TRIO: variants seen among roughly 807,000 people sequenced by gnomAD.
TRIO encodes the protein triple functional domain protein.
A neutral mutation model predicts 351.9 loss-of-function variants in TRIO; 58 were observed. The observed-to-expected ratio is 0.16, with a 90% CI of 0.13 to 0.21. The LOEUF is 0.21. TRIO is among the 10% of genes least tolerant of loss of function. The pLI, the probability that TRIO is intolerant of heterozygous loss-of-function variation, is 1.00. For synonymous variants in TRIO, 1,758 were observed against 1,595.7 expected, an observed-to-expected ratio of 1.10 and a Z score of -2.42; for missense variants, 3,201 against 4,027.8, an observed-to-expected ratio of 0.79 and a Z score of 5.56.
intron 1 of TRIO, among the ~76,000 whole-genome samples, chr5:14,233,340 A>T (rs1432090127): frequency 1.4e-5 from 2 of 138,664 alleles, no homozygotes; most frequent in Non-Finnish European, 3.2e-5. Flanking sequence ...AAAAAAAAAA[A>T]TTAGCCCGGT....
chr5:14,396,265 T>C (rs1469093016), intron 28 of TRIO, among the ~76,000 whole-genome samples: 2 of 151,818 alleles, frequency 1.3e-5, no homozygotes, highest in African/African-American at 4.8e-5. Context: ...CATGCGGTGT[T>C]ACTGTTTCTG....
At position 14,487,961 on chromosome 5, in the gene TRIO, C is replaced by A; in HGVS notation, c.7333C>A (p.Pro2445Thr). 1 of 1,550,738 alleles carries A rather than the reference C, an allele frequency of 6.4e-7. No individual in the cohort carries two copies. The highest frequency in any genetic ancestry group is 1.2e-5 in the South Asian group (1 of 84,210). ...CGCGCGCGCTAGCCTGGGCACCCTG[C>A]CGCTTGGGAAGCCCCGGGCCGGGGC... ...KDARASLGTLPLGKPRAGAAS... is the reference protein window; with the variant it reads ...KDARASLGTLTLGKPRAGAAS... Residue 2445 changes from proline (P) to threonine (T), a missense_variant, in exon 48 of 57, where the codon CCG becomes ACG. Pro to Thr is a conservative substitution (Grantham distance 38). Around this residue, in one of 19 missense-constraint regions of TRIO, gnomAD observed 1,089 missense variants for 954.9 expected, o/e 1.14. Coordinates refer to ENST00000344204, the MANE Select transcript of TRIO (RefSeq NM_007118.4).
chr5:14,394,272 G>T (rs1747370402), intron 28 of TRIO, 142 bp downstream of exon 28: 1 of 567,786 alleles, frequency 1.8e-6, no homozygotes, highest in South Asian at 2.8e-5. Flanking sequence ...AGTATTTATT[G>T]ACCTGCCTAA....
chr5:14,236,438 G>A (rs892805760), intron 1 of TRIO, among the ~76,000 whole-genome samples: 3 of 152,058 alleles, frequency 2.0e-5, no homozygotes, highest in Non-Finnish European at 4.4e-5. Context: ...TAACTCTTGG[G>A]TTCAGAAATG....
intron 31 of TRIO, among the ~76,000 whole-genome samples, chr5:14,403,183 T>TGTGGTGAGGGTGCAGGTG (rs1748268906): frequency 1.6e-5 from 1 of 63,412 alleles, no homozygotes. Flanking sequence ...GGGTGCAGGT[T>TGTGGTGAGGGTGCAGGTG]GTGGTGAGGG....
intron 53 of TRIO, among the ~76,000 whole-genome samples, chr5:14,499,804 C>G (rs991116347): frequency 2.6e-5 from 4 of 151,766 alleles, no homozygotes; most frequent in Admixed American, 1.3e-4. Context: ...GTAATCCCAG[C>G]GCTTTGGGAG....
chr5:14,288,640 C>T (rs1469390368), intron 4 of TRIO, among the ~76,000 whole-genome samples: 1 of 150,520 alleles, frequency 6.6e-6, no homozygotes, highest in African/African-American at 2.5e-5. Context: ...GCACTCCAGC[C>T]TGGGCAACAG....
At chr5:14,331,921 T>G (rs993931388) in intron 10 of TRIO, among the ~76,000 whole-genome samples, 1 of 152,106 alleles carries the variant, frequency 6.6e-6, no homozygotes, top group Non-Finnish European at 1.5e-5. Flanking sequence ...AAAAAAGAAA[T>G]AAAAAATACT....
intron 41 of TRIO, among the ~76,000 whole-genome samples, chr5:14,478,359 C>G (rs1755248909): frequency 6.6e-6 from 1 of 152,176 alleles, no homozygotes; most frequent in Admixed American, 6.5e-5. Flanking sequence ...TTTCACCCAC[C>G]ATTGGTTTTG....
Position 14,461,325 on chromosome 5 carries a change from C to A in TRIO, c.5496+14C>A, listed in dbSNP as rs7725055. ...ACGGTCGAGGAGGTGAGGCTCTGCCCGCTGGTTGGGGCCGGCGTGGCGGGG... is the reference window on the plus strand; with the variant it reads ...ACGGTCGAGGAGGTGAGGCTCTGCCAGCTGGTTGGGGCCGGCGTGGCGGGG... On this transcript the variant is annotated intron_variant, in intron 35 of 56. Transcript: ENST00000344204. 2.8e-3 allele frequency: 4,282 copies of A among 1,539,396 alleles called. 94 individuals are homozygous for A. The African/African-American group carries it at 0.052, about 19-fold the overall frequency.
chr5:14,164,637 G>C (rs1788660439), intron 1 of TRIO, among the ~76,000 whole-genome samples: 3 of 152,294 alleles, frequency 2.0e-5, no homozygotes, highest in South Asian at 2.1e-4. Context: ...TGGATTTAAA[G>C]AGTAAGTAGT....
At chr5:14,388,339 C>T (rs1292680366) in intron 23 of TRIO, among the ~76,000 whole-genome samples, 1 of 152,196 alleles carries the variant, frequency 6.6e-6, no homozygotes, top group East Asian at 1.9e-4. Flanking sequence ...GTGCAGAGGG[C>T]AGCCCCACAG....
At chr5:14,404,003 G>T (rs1309091291) in intron 31 of TRIO, among the ~76,000 whole-genome samples, 3 of 139,296 alleles carry the variant, frequency 2.2e-5, no homozygotes, top group African/African-American at 9.2e-5. Flanking sequence ...TGTGGTGAGG[G>T]TGTAGGTTGT....
chr5:14,483,724 A>G (rs1755701764), intron 46 of TRIO, among the ~76,000 whole-genome samples: 1 of 152,074 alleles, frequency 6.6e-6, no homozygotes, highest in Non-Finnish European at 1.5e-5. Flanking sequence ...CCTCTGCATG[A>G]GGCTGGGCTG....
intron 1 of TRIO, among the ~76,000 whole-genome samples, chr5:14,147,157 GA>G (rs763339821): frequency 6.7e-6 from 1 of 150,258 alleles, no homozygotes; most frequent in Non-Finnish European, 1.5e-5. Context: ...AGAGCAAAAA[GA>G]AAAAAAAAGA....
intron 1 of TRIO, among the ~76,000 whole-genome samples, chr5:14,157,379 C>G (rs1581245208): frequency 6.6e-6 from 1 of 151,634 alleles, no homozygotes; most frequent in Non-Finnish European, 1.5e-5. Context: ...TTTTCTCTCT[C>G]TCTTTCTCTC....
chr5:14,481,662 CTCTT>C (rs1403602181), intron 45 of TRIO, 44 bp downstream of exon 45: 1 of 1,597,716 alleles, frequency 6.3e-7, no homozygotes, highest in African/African-American at 1.3e-5. Context: ...CTGCCTTCAT[CTCTT>C]TCTTTTGTCT....
chr5:14,342,199 G>A (rs78289442), intron 11 of TRIO, among the ~76,000 whole-genome samples: 8,031 of 152,222 alleles, frequency 0.053, 242 homozygotes, highest in African/African-American at 0.074. Flanking sequence ...TTCTTGGTAC[G>A]TGAGGCTCTC....
At chr5:14,264,425 A>G (rs1795529954) in intron 1 of TRIO, among the ~76,000 whole-genome samples, 1 of 152,124 alleles carries the variant, frequency 6.6e-6, no homozygotes, top group Admixed American at 6.5e-5. Flanking sequence ...GTATTATGAA[A>G]CCCGTCCATA....
Sources: gnomAD v4.1 joint callset for allele counts (sites outside exome capture counted in the v4.1 genomes callset) on GRCh38, gnomAD v4.1.1 for gene constraint, gnomAD v4.1.1 regional missense constraint, MANE v1.5 for transcripts, NCBI Gene and HGNC (gene_info 2026-07-23, HGNC 2026-07-21) for gene names.